RHOBTB1: variants seen among roughly 807,000 people sequenced by gnomAD.
RHOBTB1 encodes Rho related BTB domain containing 1.
In RHOBTB1, 40 loss-of-function variants were observed where a neutral mutation model predicts 71.6. The observed-to-expected ratio is 0.56, with a 90% CI of 0.43 to 0.73. The LOEUF (loss-of-function observed/expected upper bound fraction) is 0.73, where lower values mean the gene tolerates loss of function less well. RHOBTB1 is among the 30% of genes least tolerant of loss of function. The probability of loss-of-function intolerance (pLI) is 0.00; values close to 1 mark genes in which losing one functional copy is unlikely to be tolerated. For synonymous variants in RHOBTB1, 319 were observed against 334.9 expected (o/e 0.95, Z 0.52); for missense variants, 797 against 894.0 (o/e 0.89, Z 1.38).
intron 2 of RHOBTB1, among the ~76,000 whole-genome samples, chr10:60,934,668 G>A (rs938234136): frequency 6.6e-6 from 1 of 152,176 alleles, no homozygotes; most frequent in Non-Finnish European, 1.5e-5. Context: ...CTCTTTCCAG[G>A]AGCCTTAATG....
At chr10:60,877,881 T>G (rs146321185) in intron 8 of RHOBTB1, 27 bp downstream of exon 8, 2 of 1,595,364 alleles carry the variant, frequency 1.3e-6, no homozygotes, top group Non-Finnish European at 1.7e-6. Context: ...TGACAGACAC[T>G]GCATGGCCCT....
chr10:60,973,997 T>G (rs1347063884), intron 2 of RHOBTB1, among the ~76,000 whole-genome samples: 1 of 152,080 alleles, frequency 6.6e-6, no homozygotes, highest in Non-Finnish European at 1.5e-5. Flanking sequence ...AATGACTGAA[T>G]AAATGCCATT....
At chr10:60,946,913 A>G (rs890133055), upstream of RHOBTB1, among the ~76,000 whole-genome samples, 10 of 152,246 alleles carry the variant, frequency 6.6e-5, no homozygotes, top group African/African-American at 2.4e-4. Context: ...AGACCTTTCA[A>G]GAAAATAAGT....
chr10:60,861,208 C>A, the RHOBTB1 span, among the ~76,000 whole-genome samples: 1 of 152,182 alleles, frequency 6.6e-6, no homozygotes, highest in African/African-American at 2.4e-5. Flanking sequence ...GGTTATAGGA[C>A]GTTCTGTTTG....
At chr10:60,899,057 T>C (rs1475711760) in intron 4 of RHOBTB1, among the ~76,000 whole-genome samples, 1 of 152,210 alleles carries the variant, frequency 6.6e-6, no homozygotes, top group Non-Finnish European at 1.5e-5. Flanking sequence ...CAAAGAAGGT[T>C]GTGGGTTATC....
chr10:60,896,553 G>A (rs75565631), intron 4 of RHOBTB1, among the ~76,000 whole-genome samples: 5,561 of 152,298 alleles, frequency 0.037, 178 homozygotes, highest in East Asian at 0.1. Context: ...GGGGTAGGAA[G>A]GAGTTTGGAA....
chr10:60,890,440 G>T (rs534747039), intron 5 of RHOBTB1, among the ~76,000 whole-genome samples: 1 of 151,988 alleles, frequency 6.6e-6, no homozygotes, highest in Non-Finnish European at 1.5e-5. Context: ...CTTTAGGCTG[G>T]CACACAAGGC....
chr10:60,865,752 T>C (rs1386421950), downstream of RHOBTB1, among the ~76,000 whole-genome samples: 4 of 152,158 alleles, frequency 2.6e-5, no homozygotes, highest in African/African-American at 4.8e-5. Context: ...ATTTTTGTCA[T>C]TGAGTTCAGT....
At chr10:60,930,895 A>G (rs2084205667) in intron 2 of RHOBTB1, among the ~76,000 whole-genome samples, 1 of 151,950 alleles carries the variant, frequency 6.6e-6, no homozygotes, top group African/African-American at 2.4e-5. Flanking sequence ...AAATAAACGA[A>G]TCTTTCTTGG....
intron 2 of RHOBTB1, among the ~76,000 whole-genome samples, chr10:60,971,133 C>T (rs755436774): frequency 1.3e-5 from 2 of 151,896 alleles, no homozygotes; most frequent in Non-Finnish European, 2.9e-5. Flanking sequence ...AGTAAATTAT[C>T]CATCTGATAC....
chr10:60,905,433 G>C (rs1280567454), intron 4 of RHOBTB1, among the ~76,000 whole-genome samples: 1 of 113,580 alleles, frequency 8.8e-6, no homozygotes, highest in Admixed American at 1.1e-4. Flanking sequence ...CTGGGCAATA[G>C]TGAGAGACTC....
chr10:60,888,926 A>T lies in RHOBTB1; in HGVS notation c.742T>A (p.Cys248Ser). ...APPPVIKIPECPSMGTNEAAC... is the reference protein window; with the variant it reads ...APPPVIKIPESPSMGTNEAAC... ...GCTTCATTTGTCCCCATGGAAGGAC[A>T]CTCTGGAATTTTGATGACCGGTGGA... is the stretch of plus-strand genomic sequence containing the variant. The change falls in exon 6 of 11, where the codon TGT (cysteine) becomes AGT (serine). Residue 248 changes from cysteine to serine, a missense_variant. Cys to Ser is a moderately radical substitution (Grantham distance 112, BLOSUM62 -1). Transcript: ENST00000337910. 4.3e-6 allele frequency: 7 copies of T among 1,614,122 alleles called. No homozygotes were observed. Among genetic ancestry groups the T allele is most frequent in the Non-Finnish European group, 5.9e-6 (7 of 1,180,020 alleles).
At chr10:60,872,070 G>A (rs545603491) in intron 10 of RHOBTB1, 115 bp downstream of exon 10, 9 of 802,588 alleles carry the variant, frequency 1.1e-5, no homozygotes, top group South Asian at 2.8e-5. Flanking sequence ...AGCCAGTCTC[G>A]AGGAATCATC....
At chr10:60,983,126 T>C (rs1169974057) in intron 2 of RHOBTB1, among the ~76,000 whole-genome samples, 1 of 152,220 alleles carries the variant, frequency 6.6e-6, no homozygotes, top group African/African-American at 2.4e-5. Flanking sequence ...TGGAGGAATA[T>C]TATGTTGGGA....
At chr10:60,990,469 G>C (rs565374220) in intron 1 of RHOBTB1, among the ~76,000 whole-genome samples, 8 of 151,004 alleles carry the variant, frequency 5.3e-5, no homozygotes, top group Non-Finnish European at 1.0e-4. Flanking sequence ...AGTTACAACT[G>C]TATTTCCTGT....
chr10:60,919,093 A>G (rs145354581), intron 2 of RHOBTB1, among the ~76,000 whole-genome samples: 1 of 152,184 alleles, frequency 6.6e-6, no homozygotes, highest in African/African-American at 2.4e-5. Flanking sequence ...CTGCTTAAAG[A>G]CAAAAATTGA....
intron 9 of RHOBTB1, among the ~76,000 whole-genome samples, chr10:60,874,594 C>T (rs970616184): frequency 6.6e-6 from 1 of 152,170 alleles, no homozygotes; most frequent in African/African-American, 2.4e-5. Context: ...AGGGGAGGCA[C>T]TACGGGGCTT....
intron 2 of RHOBTB1, among the ~76,000 whole-genome samples, chr10:60,975,913 T>A (rs1289813637): frequency 6.6e-6 from 1 of 151,996 alleles, no homozygotes; most frequent in African/African-American, 2.4e-5. Flanking sequence ...TCATGATCTA[T>A]AAGGGGATGG....
chr10:60,863,227 T>C, the RHOBTB1 span, among the ~76,000 whole-genome samples: 27,476 of 152,114 alleles, frequency 0.18, 2,755 homozygotes, highest in African/African-American at 0.27. Context: ...AGAGGAAATT[T>C]AATGAAGCCC....
Sources: allele counts gnomAD v4.1 joint callset (sites outside exome capture counted in the v4.1 genomes callset), GRCh38; gene constraint gnomAD v4.1.1; transcripts MANE v1.5; gene names NCBI Gene and HGNC (gene_info 2026-07-23, HGNC 2026-07-21).